The following THSD7B variants were observed in gnomAD, a reference collection of about 807,000 sequenced individuals.
THSD7B encodes the protein thrombospondin type-1 domain-containing protein 7B.
THSD7B carries 138 observed loss-of-function variants against 213.6 expected under a neutral mutation model. The ratio of observed to expected loss-of-function variants is 0.65; its 90% CI spans 0.56 to 0.74. The LOEUF (loss-of-function observed/expected upper bound fraction) is 0.74, where lower values mean the gene tolerates loss of function less well. Among genes scored for constraint, THSD7B ranks in the 30% least tolerant of loss-of-function variants. The pLI, the probability that THSD7B is intolerant of heterozygous loss-of-function variation, is 0.00. For missense variants in THSD7B, 1,931 were observed against 1,991.5 expected, an observed-to-expected ratio of 0.97 and a Z score of 0.58; for synonymous variants, 742 against 687.0, an observed-to-expected ratio of 1.08 and a Z score of -1.25.
At chr2:136,782,322 G>A (rs1023315895) in intron 1 of THSD7B, among the ~76,000 whole-genome samples, 7 of 152,302 alleles carry the variant, frequency 4.6e-5, no homozygotes, top group East Asian at 1.9e-4. Flanking sequence ...GGTGGCTCCA[G>A]TTCTGGGCTC....
intron 15 of THSD7B, among the ~76,000 whole-genome samples, chr2:137,544,258 G>A (rs923239532): frequency 2.0e-5 from 3 of 151,594 alleles, no homozygotes; most frequent in Non-Finnish European, 4.4e-5. Flanking sequence ...ACACAAATGA[G>A]TACTATTCAG....
At chr2:137,565,314 G>C (rs1681213165) in intron 16 of THSD7B, among the ~76,000 whole-genome samples, 1 of 152,096 alleles carries the variant, frequency 6.6e-6, no homozygotes, top group African/African-American at 2.4e-5. Flanking sequence ...TAGGCTCATG[G>C]CTCTGGAGGC....
intron 15 of THSD7B, among the ~76,000 whole-genome samples, chr2:137,508,971 A>G (rs1313352944): frequency 6.6e-6 from 1 of 152,130 alleles, no homozygotes; most frequent in Non-Finnish European, 1.5e-5. Context: ...CAGCGCTCCA[A>G]GAAGTTCCAA....
intron 17 of THSD7B, among the ~76,000 whole-genome samples, chr2:137,582,655 C>G (rs961043586): frequency 6.6e-6 from 1 of 152,172 alleles, no homozygotes; most frequent in East Asian, 1.9e-4. Context: ...CACATCCCTA[C>G]AAAGGACATG....
intron 12 of THSD7B, among the ~76,000 whole-genome samples, chr2:137,343,071 G>GTT (rs570246459): frequency 1.5e-5 from 2 of 133,264 alleles, no homozygotes; most frequent in Non-Finnish European, 1.6e-5. Flanking sequence ...ATTCCCTTCT[G>GTT]TTTTTTTTTT....
At chr2:136,929,952 CAG>C (rs1684600609) in intron 2 of THSD7B, among the ~76,000 whole-genome samples, 1 of 152,126 alleles carries the variant, frequency 6.6e-6, no homozygotes, top group Non-Finnish European at 1.5e-5. Context: ...AGCTTAATCA[CAG>C]AGAAATCCTG....
At chr2:137,067,961 A>G (rs1012951898) in intron 3 of THSD7B, among the ~76,000 whole-genome samples, 1 of 152,234 alleles carries the variant, frequency 6.6e-6, no homozygotes, top group African/African-American at 2.4e-5. Flanking sequence ...GTTTTTAACT[A>G]TAAAGATTGT....
chr2:137,646,159 A>G (rs1480742415), intron 21 of THSD7B, among the ~76,000 whole-genome samples: 2 of 152,190 alleles, frequency 1.3e-5, no homozygotes, highest in African/African-American at 4.8e-5. Context: ...CCAAACTCAC[A>G]TGTTGAAACA....
At chr2:137,301,473 T>C (rs1683598714) in intron 12 of THSD7B, among the ~76,000 whole-genome samples, 1 of 152,064 alleles carries the variant, frequency 6.6e-6, no homozygotes, top group Admixed American at 6.5e-5. Flanking sequence ...CAGAAATGGA[T>C]AGTATATGAT....
chr2:137,393,495 A>C (rs1306690697), intron 12 of THSD7B, among the ~76,000 whole-genome samples: 4 of 148,854 alleles, frequency 2.7e-5, no homozygotes, highest in South Asian at 4.4e-4. Context: ...TGAACTCATC[A>C]TTTTTTATGG....
intron 10 of THSD7B, among the ~76,000 whole-genome samples, chr2:137,263,264 T>C (rs911505257): frequency 6.6e-6 from 1 of 151,160 alleles, no homozygotes; most frequent in Non-Finnish European, 1.5e-5. Flanking sequence ...ATATATATAA[T>C]ATATATATAT....
intron 17 of THSD7B, among the ~76,000 whole-genome samples, chr2:137,577,680 C>G (rs1681492716): frequency 6.6e-6 from 1 of 152,126 alleles, no homozygotes; most frequent in Non-Finnish European, 1.5e-5. Flanking sequence ...TACTAGCAGA[C>G]TAAGGCATAT....
At chr2:137,019,608 G>A (rs1686405212) in intron 2 of THSD7B, among the ~76,000 whole-genome samples, 1 of 152,094 alleles carries the variant, frequency 6.6e-6, no homozygotes, top group Non-Finnish European at 1.5e-5. Flanking sequence ...CTTTCCACCT[G>A]ATACCTTTCA....
chr2:137,505,740 A>T (rs772771860), intron 15 of THSD7B, among the ~76,000 whole-genome samples: 17 of 152,164 alleles, frequency 1.1e-4, no homozygotes, highest in Non-Finnish European at 2.2e-4. Flanking sequence ...CAGTTGGTAT[A>T]CTCACAGTTC....
intron 15 of THSD7B, among the ~76,000 whole-genome samples, chr2:137,562,074 A>G (rs902801848): frequency 8.5e-5 from 13 of 152,070 alleles, no homozygotes; most frequent in African/African-American, 2.7e-4. Context: ...CAGTGCTCCA[A>G]TCTTGTTTCT....
At chr2:137,264,090 A>G (rs1220007809) in intron 10 of THSD7B, among the ~76,000 whole-genome samples, 1 of 152,198 alleles carries the variant, frequency 6.6e-6, no homozygotes, top group Admixed American at 6.5e-5. Context: ...GCCTACATGT[A>G]GCAGGTACCT....
At chr2:137,280,378 G>A (rs1305660288) in intron 12 of THSD7B, among the ~76,000 whole-genome samples, 1 of 152,012 alleles carries the variant, frequency 6.6e-6, no homozygotes, top group Non-Finnish European at 1.5e-5. Context: ...ATATGCTTTA[G>A]TCTTTTTCAT....
chr2:137,211,151 C>G (rs573864503), intron 7 of THSD7B, among the ~76,000 whole-genome samples: 2 of 151,976 alleles, frequency 1.3e-5, no homozygotes, highest in South Asian at 4.2e-4. Flanking sequence ...AAATATCTTT[C>G]ACTTTGGCTT....
chr2:137,224,040 A>G (rs1248924162), intron 7 of THSD7B, among the ~76,000 whole-genome samples: 2 of 152,084 alleles, frequency 1.3e-5, no homozygotes, highest in African/African-American at 4.8e-5. Context: ...TCTTTTCTTT[A>G]TAAATTACCC....
Sources: allele counts gnomAD v4.1 joint callset (sites outside exome capture counted in the v4.1 genomes callset), GRCh38; gene constraint gnomAD v4.1.1; transcripts MANE v1.5; gene names NCBI Gene and HGNC (gene_info 2026-07-23, HGNC 2026-07-21).